The following LINGO2 variants were observed in gnomAD, a reference collection of about 807,000 sequenced individuals.
LINGO2 encodes the protein leucine-rich repeat and immunoglobulin-like domain-containing nogo receptor-interacting protein 2.
A neutral mutation model predicts 30.6 loss-of-function variants in LINGO2; 14 were observed. The ratio of observed to expected loss-of-function variants is 0.46; its 90% confidence interval spans 0.30 to 0.72. LINGO2 has a LOEUF of 0.72. Ranked by LOEUF, LINGO2 falls within the 30% of genes least tolerant of loss-of-function variation. The pLI, the probability that LINGO2 is intolerant of heterozygous loss-of-function variation, is 0.07. For synonymous variants in LINGO2, 317 were observed against 288.5 expected (o/e 1.10, Z -1.00); for missense variants, 729 against 751.7 (o/e 0.97, Z 0.35).
At chr9:28,264,660 ATT>A (rs1440448335) in intron 4 of LINGO2, among the ~76,000 whole-genome samples, 1 of 151,914 alleles carries the variant, frequency 6.6e-6, no homozygotes, top group Non-Finnish European at 1.5e-5. Flanking sequence ...GACACACTGG[ATT>A]TGTATTCTAG....
rs368797524 is a variant in LINGO2, at chr9:28,618,651, C to A, written c.-365+51549G>T. On this transcript the variant is annotated intron_variant, in intron 1 of 5. Coordinates refer to ENST00000379992, the Ensembl canonical transcript of LINGO2. Reference sequence around the variant, plus strand: ...TCTTTCTATAACATTCTCCTTCTTACCCATTATGATCTAGCTCCTTTAGTT... The same window carrying A: ...TCTTTCTATAACATTCTCCTTCTTAACCATTATGATCTAGCTCCTTTAGTT... Among the ~76,000 whole-genome samples, 6 of 152,124 alleles carry A rather than the reference C, an allele frequency of 3.9e-5. No individual in the cohort carries two copies. In the East Asian group the frequency reaches 1.2e-3, roughly 29 times the overall value.
intron 1 of LINGO2, among the ~76,000 whole-genome samples, chr9:28,614,675 A>G (rs974263409): frequency 3.3e-5 from 5 of 152,134 alleles, no homozygotes; most frequent in African/African-American, 1.2e-4. Flanking sequence ...TCCAATGTTA[A>G]TTAATTTGCA....
intron 5 of LINGO2, among the ~76,000 whole-genome samples, chr9:27,988,149 T>C (rs1821215996): frequency 1.3e-5 from 2 of 151,940 alleles, no homozygotes; most frequent in Non-Finnish European, 1.5e-5. Context: ...GATGGTTTCC[T>C]GCTTCATCCA....
At chr9:29,001,779 C>CAT in the LINGO2 span, among the ~76,000 whole-genome samples, 6,256 of 151,528 alleles carry the variant, frequency 0.041, 189 homozygotes, top group Admixed American at 0.082. Context: ...TACTATATTG[C>CAT]ATATATATAT....
intron 3 of LINGO2, among the ~76,000 whole-genome samples, chr9:28,322,436 A>C (rs1825077786): frequency 7.1e-6 from 1 of 141,566 alleles, no homozygotes; most frequent in South Asian, 2.3e-4. Context: ...GTAGGCACTC[A>C]GTACACACAC....
At chr9:28,916,401 T>G in the LINGO2 span, among the ~76,000 whole-genome samples, 1 of 152,070 alleles carries the variant, frequency 6.6e-6, no homozygotes, top group South Asian at 2.1e-4. Context: ...TAAGAAACAT[T>G]TACAATCTAT....
the LINGO2 span, among the ~76,000 whole-genome samples, chr9:29,171,547 T>C: frequency 6.6e-6 from 1 of 151,874 alleles, no homozygotes; most frequent in African/African-American, 2.4e-5. Context: ...CTACATATAA[T>C]ATATGGTATA....
the LINGO2 span, among the ~76,000 whole-genome samples, chr9:28,689,926 A>G: frequency 6.6e-6 from 1 of 152,154 alleles, no homozygotes. Context: ...GTAGGAATCC[A>G]TAGATGGAAT....
At chr9:28,701,631 T>C in the LINGO2 span, among the ~76,000 whole-genome samples, 2 of 151,982 alleles carry the variant, frequency 1.3e-5, no homozygotes, top group African/African-American at 4.8e-5. Context: ...CTGGGTCTTT[T>C]GCTTTTCCAT....
chr9:29,033,378 C>CTATATATATATA, the LINGO2 span, among the ~76,000 whole-genome samples: 1,957 of 140,760 alleles, frequency 0.014, 13 homozygotes, highest in African/African-American at 0.027. Flanking sequence ...AACTGCTTTA[C>CTATATATATATA]TATATATATA....
chr9:28,183,221 A>G (rs147251309), intron 4 of LINGO2, among the ~76,000 whole-genome samples: 8 of 151,786 alleles, frequency 5.3e-5, no homozygotes, highest in Non-Finnish European at 1.0e-4. Context: ...ACCAAACACC[A>G]CATGTTCTCA....
At chr9:28,756,677 G>C in the LINGO2 span, among the ~76,000 whole-genome samples, 1 of 151,902 alleles carries the variant, frequency 6.6e-6, no homozygotes, top group African/African-American at 2.4e-5. Context: ...CCCCCATGCT[G>C]TTCTAGTGAT....
the LINGO2 span, among the ~76,000 whole-genome samples, chr9:29,210,232 G>A: frequency 6.6e-6 from 1 of 152,132 alleles, no homozygotes; most frequent in Non-Finnish European, 1.5e-5. Context: ...TAGAGATGGA[G>A]TCCTAAAACT....
chr9:28,721,303 T>C, the LINGO2 span, among the ~76,000 whole-genome samples: 1 of 152,074 alleles, frequency 6.6e-6, no homozygotes, highest in African/African-American at 2.4e-5. Flanking sequence ...GCAATCCCAT[T>C]ACTGGGTATA....
At chr9:29,142,740 A>C in the LINGO2 span, among the ~76,000 whole-genome samples, 12 of 152,114 alleles carry the variant, frequency 7.9e-5, no homozygotes, top group East Asian at 1.2e-3. Context: ...GAAGCAGGGC[A>C]AGAATGTCCC....
At chr9:28,803,760 C>T in the LINGO2 span, among the ~76,000 whole-genome samples, 1 of 151,878 alleles carries the variant, frequency 6.6e-6, no homozygotes, top group Non-Finnish European at 1.5e-5. Flanking sequence ...GTGAACAGAC[C>T]ATAAAATGGA....
chr9:28,184,476 C>T (rs1229703904), intron 4 of LINGO2, among the ~76,000 whole-genome samples: 1 of 151,040 alleles, frequency 6.6e-6, no homozygotes, highest in Non-Finnish European at 1.5e-5. Context: ...AACTGAACTT[C>T]TTAAGGTTCG....
chr9:28,994,477 C>T, the LINGO2 span, among the ~76,000 whole-genome samples: 24 of 151,518 alleles, frequency 1.6e-4, no homozygotes, highest in African/African-American at 5.3e-4. Context: ...CCATCCCCAT[C>T]AAGCTACCAA....
chr9:29,043,296 C>T, the LINGO2 span, among the ~76,000 whole-genome samples: 1 of 151,894 alleles, frequency 6.6e-6, no homozygotes. Flanking sequence ...TTGGATTCTG[C>T]TCCATTTCCA....
Sources: gnomAD v4.1 joint callset for allele counts (sites outside exome capture counted in the v4.1 genomes callset) on GRCh38, gnomAD v4.1.1 for gene constraint, MANE v1.5 for transcripts, NCBI Gene and HGNC (gene_info 2026-07-23, HGNC 2026-07-21) for gene names.